WWOX: variants seen among roughly 807,000 people sequenced by gnomAD.
The protein encoded by WWOX is WW domain containing oxidoreductase.
In WWOX, 69 loss-of-function variants were observed where a neutral mutation model predicts 46.2. That is an observed-to-expected ratio of 1.49 (90% CI 1.23 to 1.82). The LOEUF (loss-of-function observed/expected upper bound fraction) is 1.82, where lower values mean the gene tolerates loss of function less well. Among genes scored for constraint, WWOX ranks in the 40% most tolerant of loss-of-function variants. The probability of loss-of-function intolerance (pLI) is 0.00; values close to 1 mark genes in which losing one functional copy is unlikely to be tolerated. For synonymous variants in WWOX, 359 were observed against 202.6 expected (o/e 1.77, Z -6.56); for missense variants, 919 against 542.6 (o/e 1.69, Z -6.89).
chr16:78,752,503 G>A (rs573829800), intron 8 of WWOX, among the ~76,000 whole-genome samples: 18 of 152,286 alleles, frequency 1.2e-4, no homozygotes, highest in Middle Eastern at 6.8e-3. Flanking sequence ...GGCCAGGCTA[G>A]TTTCTAACTC....
chr16:79,057,727 A>G (rs1226636283), intron 8 of WWOX, among the ~76,000 whole-genome samples: 1 of 152,158 alleles, frequency 6.6e-6, no homozygotes, highest in Non-Finnish European at 1.5e-5. Flanking sequence ...GGAGCTCAGA[A>G]TAGGCAAGGT....
chr16:79,138,077 T>A (rs1422152539), intron 8 of WWOX, among the ~76,000 whole-genome samples: 1 of 152,174 alleles, frequency 6.6e-6, no homozygotes, highest in Admixed American at 6.5e-5. Flanking sequence ...ACCTTGTGAT[T>A]GAAAGCCCAA....
intron 8 of WWOX, among the ~76,000 whole-genome samples, chr16:78,583,200 C>T (rs1021011466): frequency 2.0e-5 from 3 of 152,134 alleles, no homozygotes; most frequent in African/African-American, 7.2e-5. Context: ...TCCTGAAACT[C>T]AGGAGGCTGC....
intron 8 of WWOX, among the ~76,000 whole-genome samples, chr16:78,841,810 A>G (rs1362418279): frequency 1.3e-5 from 2 of 152,184 alleles, no homozygotes; most frequent in East Asian, 3.9e-4. Context: ...ACTTTTGCTA[A>G]TTATGTGTGT....
rs76642212 is a variant in WWOX at position 79,212,572 on chromosome 16, C to G, written c.*776C>G. 2,858 of 164,060 alleles carry G rather than the reference C, an allele frequency of 0.017. 95 individuals carry two copies. The highest frequency in any genetic ancestry group is 0.065 in the African/African-American group (2,693 of 41,748). The allele number at this position is 164,060 out of a possible 1,614,324, so 10.2% of individuals were successfully genotyped here. On this transcript the variant is annotated 3_prime_UTR_variant, in exon 9 of 9. Coordinates refer to ENST00000566780, the MANE Select transcript of WWOX (RefSeq NM_016373.4). ...AACGTTAGTTAATCCCTTTGTCTGT[C>G]AATCACAGTCTCAGTTCTCTTGCTT...
chr16:78,311,518 G>T (rs979858134), intron 5 of WWOX, among the ~76,000 whole-genome samples: 2 of 152,202 alleles, frequency 1.3e-5, no homozygotes, highest in African/African-American at 4.8e-5. Flanking sequence ...CCCTCCTGGG[G>T]AGATGCGTGT....
At chr16:78,744,264 A>G (rs551249784) in intron 8 of WWOX, among the ~76,000 whole-genome samples, 6 of 152,226 alleles carry the variant, frequency 3.9e-5, no homozygotes, top group East Asian at 1.9e-4. Flanking sequence ...AAGGCACAGG[A>G]CTTTAGAAAC....
intron 8 of WWOX, 141 bp from the exon 9 acceptor site, chr16:79,211,467 C>T (rs1310590868): frequency 1.9e-6 from 2 of 1,033,348 alleles, no homozygotes; most frequent in East Asian, 2.6e-5. Flanking sequence ...TGCTTTCAGC[C>T]CAGTACCCTT....
chr16:78,616,288 C>T (rs910886790), intron 8 of WWOX, among the ~76,000 whole-genome samples: 1 of 151,956 alleles, frequency 6.6e-6, no homozygotes, highest in Admixed American at 6.6e-5. Flanking sequence ...TAACAAAATG[C>T]CATGGACTGA....
intron 8 of WWOX, among the ~76,000 whole-genome samples, chr16:78,514,978 G>A (rs2085454898): frequency 6.6e-6 from 1 of 152,120 alleles, no homozygotes; most frequent in Admixed American, 6.5e-5. Context: ...CCAGCACTTG[G>A]GGAGGCCGAG....
chr16:78,735,502 G>C (rs984550999), intron 8 of WWOX, among the ~76,000 whole-genome samples: 3 of 152,088 alleles, frequency 2.0e-5, no homozygotes, highest in African/African-American at 4.8e-5. Flanking sequence ...TTGAACTCGA[G>C]GACTTATGCC....
At chr16:78,905,947 C>G (rs1224305084) in intron 8 of WWOX, among the ~76,000 whole-genome samples, 1 of 152,056 alleles carries the variant, frequency 6.6e-6, no homozygotes, top group Non-Finnish European at 1.5e-5. Flanking sequence ...ATTAAAGGAC[C>G]CAAGAGCTAA....
chr16:79,137,008 A>G (rs2049994562), intron 8 of WWOX, among the ~76,000 whole-genome samples: 1 of 152,208 alleles, frequency 6.6e-6, no homozygotes, highest in Non-Finnish European at 1.5e-5. Flanking sequence ...GACAACTGAG[A>G]GGAGGCTATT....
At chr16:79,084,252 G>A (rs2048814357) in intron 8 of WWOX, among the ~76,000 whole-genome samples, 1 of 152,146 alleles carries the variant, frequency 6.6e-6, no homozygotes, top group African/African-American at 2.4e-5. Flanking sequence ...GGTGAGGAAG[G>A]ACACTGACTG....
intron 8 of WWOX, among the ~76,000 whole-genome samples, chr16:78,468,099 C>T (rs894012996): frequency 1.3e-5 from 2 of 152,108 alleles, no homozygotes; most frequent in Admixed American, 6.6e-5. Context: ...GTCCTCATTG[C>T]CCTCTGGGAA....
In WWOX at chr16:79,112,093, C is replaced by A. The variant is rs147489359; in HGVS notation, c.1057-99515C>A. Among the ~76,000 whole-genome samples, 190 of 152,322 alleles carry A rather than the reference C, an allele frequency of 1.2e-3. 1 individual carries two copies. The highest frequency in any genetic ancestry group is 4.1e-3 in the African/African-American group (169 of 41,578). On this transcript the variant is annotated intron_variant, in intron 8 of 8. Coordinates refer to ENST00000566780, the MANE Select transcript of WWOX (RefSeq NM_016373.4). ...GGGCTGGACACAGAACAGGCTCATT[C>A]TGAGAATCTTCTCTCTCTCCCTCCT...
chr16:78,533,817 G>A (rs946118218), intron 8 of WWOX, among the ~76,000 whole-genome samples: 4 of 152,136 alleles, frequency 2.6e-5, no homozygotes, highest in Admixed American at 6.5e-5. Context: ...GCTGGTTCTC[G>A]TCCTCGCCCT....
intron 8 of WWOX, among the ~76,000 whole-genome samples, chr16:78,560,632 G>C (rs903441482): frequency 6.6e-6 from 1 of 152,036 alleles, no homozygotes; most frequent in Admixed American, 6.6e-5. Flanking sequence ...CAACAAGAGT[G>C]AAACTCTGTC....
At position 78,686,597 on chromosome 16, in the gene WWOX, C is replaced by T. The variant is rs1299413611; in HGVS notation, c.1056+253845C>T. Reference sequence around the variant, plus strand: ...ATAAGAAACACTAAAGGGGAGTGGGCCCAGCTATTTGTGTTTTTGGAGGAA... The same window carrying T: ...ATAAGAAACACTAAAGGGGAGTGGGTCCAGCTATTTGTGTTTTTGGAGGAA... On this transcript the variant is annotated intron_variant, in intron 8 of 8. Transcript: ENST00000566780. Among the ~76,000 whole-genome samples the T allele has an allele frequency of 2.0e-5, 3 of 152,054 alleles. No individual in the cohort carries two copies. The East Asian group carries it at 5.8e-4, about 29-fold the overall frequency.
Sources: gnomAD v4.1 joint callset for allele counts (sites outside exome capture counted in the v4.1 genomes callset) on GRCh38, gnomAD v4.1.1 for gene constraint, MANE v1.5 for transcripts, NCBI Gene and HGNC (gene_info 2026-07-23, HGNC 2026-07-21) for gene names.